The following PDLIM3 variants were observed in gnomAD, a reference collection of about 807,000 sequenced individuals.
PDLIM3 encodes the protein PDZ and LIM domain protein 3.
A neutral mutation model predicts 37.3 loss-of-function variants in PDLIM3; 36 were observed. That is an observed-to-expected ratio of 0.97 (90% CI 0.74 to 1.28). The LOEUF (loss-of-function observed/expected upper bound fraction) is 1.28, where lower values mean the gene tolerates loss of function less well. PDLIM3 is among the 50% of genes most tolerant of loss of function. The pLI, the probability that PDLIM3 is intolerant of heterozygous loss-of-function variation, is 0.00. For missense variants in PDLIM3, 454 were observed against 485.0 expected, an observed-to-expected ratio of 0.94 and a Z score of 0.60; for synonymous variants, 174 against 182.4, an observed-to-expected ratio of 0.95 and a Z score of 0.37.
In PDLIM3 at chr4:185,518,612, A is replaced by C. The variant is rs551725059; in HGVS notation, c.331-4275T>G. Among the ~76,000 whole-genome samples the C allele has an allele frequency of 5.9e-5, 9 of 152,252 alleles. No homozygotes were observed. In the South Asian group the frequency reaches 1.9e-3, roughly 32 times the overall value. ...TATTTCATCACGTTTGAAGTTTAGA[A>C]TCACTTCCTCCTCATACTCACCCCT... On this transcript the variant is annotated intron_variant, in intron 3 of 7. Transcript: ENST00000284767.
chr4:185,531,888 A>G (rs2095744990), intron 1 of PDLIM3, among the ~76,000 whole-genome samples: 1 of 147,808 alleles, frequency 6.8e-6, no homozygotes. Context: ...CAGGAGTTTG[A>G]GAGTAGCCTG....
chr4:185,516,303 A>G (rs2095714806), intron 3 of PDLIM3: 1 of 152,256 alleles, frequency 6.6e-6, no homozygotes, highest in South Asian at 2.1e-4. Context: ...ATGTGGCACC[A>G]GTGTTCCAGA....
At chr4:185,520,047 C>T (rs920504546) in intron 3 of PDLIM3, among the ~76,000 whole-genome samples, 2 of 152,338 alleles carry the variant, frequency 1.3e-5, no homozygotes, top group South Asian at 2.1e-4. Context: ...ACAAAAAACC[C>T]TATAACCATA....
intron 4 of PDLIM3, chr4:185,513,031 C>A: frequency 2.0e-6 from 2 of 985,400 alleles, no homozygotes; most frequent in Non-Finnish European, 2.4e-6. Context: ...TTCCTTTATC[C>A]AGTGAGCATT....
At chr4:185,505,846 G>A (rs2095695939) in intron 6 of PDLIM3, among the ~76,000 whole-genome samples, 1 of 152,140 alleles carries the variant, frequency 6.6e-6, no homozygotes, top group African/African-American at 2.4e-5. Flanking sequence ...CTCCATGTCT[G>A]CCACAATAGC....
At chr4:185,507,267 C>T (rs1394345823) in intron 5 of PDLIM3, among the ~76,000 whole-genome samples, 2 of 152,164 alleles carry the variant, frequency 1.3e-5, no homozygotes, top group Admixed American at 1.3e-4. Flanking sequence ...TCTGCTATAA[C>T]TGACTGCACT....
chr4:185,507,682 GAACA>G (rs2095699914), intron 5 of PDLIM3, among the ~76,000 whole-genome samples: 2 of 152,086 alleles, frequency 1.3e-5, no homozygotes, highest in Middle Eastern at 6.8e-3. Context: ...AAAGTACTGT[GAACA>G]AATAGTTATA....
rs1561195777 is a variant in PDLIM3 at position 185,514,334 on chromosome 4, CG to C, written c.333del (p.Asp111GlufsTer17). On this transcript the variant is annotated frameshift_variant and splice_region_variant, in exon 4 of 8. Coordinates refer to ENST00000284767, the MANE Select transcript of PDLIM3 (RefSeq NM_014476.6). LOFTEE classifies it high-confidence loss of function. This position sits in a 1 kb window ranked among gnomAD's most constrained non-coding sequence, Gnocchi z 4.0. ...FKINLESEPQ[D>X]GNYFEHKHNI... ...TTATGCTTGTGTTCAAAGTAGTTCC[CG>C]TCCTGTGAAAACAAAGCGTTAAAAA... 1 of 1,614,156 alleles carries C rather than the reference CG, an allele frequency of 6.2e-7. No homozygotes were observed. Among genetic ancestry groups the C allele is most frequent in the Non-Finnish European group, 8.5e-7 (1 of 1,180,036 alleles).
At position 185,522,546 on chromosome 4, in the gene PDLIM3, G is replaced by A. The variant is rs2095724549; in HGVS notation, c.330+816C>T. Among the ~76,000 whole-genome samples the A allele has an allele frequency of 4.5e-5, 3 of 66,506 alleles. 1 individual carries two copies. The Admixed American group carries it at 5.1e-4, about 11-fold the overall frequency. The allele number at this position is 66,506 out of a possible 152,430, so 43.6% of individuals were successfully genotyped here. On this transcript the variant is annotated intron_variant, in intron 3 of 7. Coordinates refer to ENST00000284767, the MANE Select transcript of PDLIM3 (RefSeq NM_014476.6). Reference sequence around the variant, plus strand: ...TCAGTTCCCTTTCATCAGTTATATAGAACAACTACATGCTGGGAATATCTA... The same window carrying A: ...TCAGTTCCCTTTCATCAGTTATATAAAACAACTACATGCTGGGAATATCTA...
chr4:185,513,858 C>T, intron 4 of PDLIM3: 1 of 1,126,582 alleles, frequency 8.9e-7, no homozygotes, highest in South Asian at 2.3e-5. Context: ...AGAGCTTGCT[C>T]CTTATCATTC....
chr4:185,514,698 CTTA>C lies in PDLIM3; in HGVS notation c.331-364_331-362del. 6.4e-7 allele frequency: 1 copy of C among 1,551,348 alleles called. No individual in the cohort carries two copies. The highest frequency in any genetic ancestry group is 8.7e-7 in the Non-Finnish European group (1 of 1,146,704). On this transcript the variant is annotated intron_variant, in intron 3 of 7. Coordinates refer to ENST00000284767, the MANE Select transcript of PDLIM3 (RefSeq NM_014476.6). The surrounding 1 kb of genome is among the most constrained non-coding windows in gnomAD (Gnocchi z 4.0). Reference sequence around the variant, plus strand: ...ACTGTGGCCAGAACAGAGCCGGATACTTACTTTTGAGGTGAGCTAGGAATGAGA... The same window carrying C: ...ACTGTGGCCAGAACAGAGCCGGATACCTTTTGAGGTGAGCTAGGAATGAGA...
chr4:185,516,678 A>G (rs10012976), intron 3 of PDLIM3: 1 of 152,236 alleles, frequency 6.6e-6, no homozygotes, highest in African/African-American at 2.4e-5. Flanking sequence ...ACTTAAAAAA[A>G]CAAAAATTAT....
At position 185,501,497 on chromosome 4, in the gene PDLIM3, T is replaced by G. The variant is rs2095687019; in HGVS notation, c.*797A>C. 6.6e-6 allele frequency: 1 copy of G among 152,254 alleles called. No homozygotes were observed. The highest frequency in any genetic ancestry group is 2.1e-4 in the South Asian group (1 of 4,830). 9.4% of individuals were successfully genotyped at this position (152,254 alleles called of 1,614,324 possible). On this transcript the variant is annotated 3_prime_UTR_variant, in exon 8 of 8. Transcript: ENST00000284767. ...CTGAATATTGATCTGAAAGAGATAT[T>G]TAAATTGAAAGAGTCTCTGTTGAAG... is the stretch of plus-strand genomic sequence containing the variant.
Position 185,514,308 on chromosome 4 carries a change from A to G in PDLIM3, c.360T>C (p.Asn120=), listed in dbSNP as rs780842126. The G allele has an allele frequency of 1.2e-6, 2 of 1,614,246 alleles. No homozygotes were observed. Among genetic ancestry groups the G allele is most frequent in the Non-Finnish European group, 1.7e-6 (2 of 1,180,038 alleles). Reference sequence around the variant, plus strand: ...GGATCACGAAAGGTTTGGGCCGAATATTATGCTTGTGTTCAAAGTAGTTCC... The same window carrying G: ...GGATCACGAAAGGTTTGGGCCGAATGTTATGCTTGTGTTCAAAGTAGTTCC... ...QDGNYFEHKH[N]IRPKPFVIPG... The change falls in exon 4 of 8, where the codon AAT becomes AAC. Residue 120 remains asparagine, a synonymous_variant. Transcript: ENST00000284767. This position sits in a 1 kb window ranked among gnomAD's most constrained non-coding sequence, Gnocchi z 4.0.
intron 3 of PDLIM3, 84 bp downstream of exon 3, chr4:185,523,278 C>G: frequency 1.1e-6 from 1 of 907,466 alleles, no homozygotes; most frequent in South Asian, 1.4e-5. Flanking sequence ...TCCAATTTTT[C>G]TATTTGTCTC....
At position 185,501,376 on chromosome 4, in the gene PDLIM3, T is replaced by A. The variant is rs1479857495; in HGVS notation, c.*918A>T. On this transcript the variant is annotated 3_prime_UTR_variant, in exon 8 of 8. Transcript: ENST00000284767. ...GCCTTCCTTAGGAAGTCGTCTAAATTGTTTCTTCCTGGAGATGCCATCTTG... is the reference window on the plus strand; with the variant it reads ...GCCTTCCTTAGGAAGTCGTCTAAATAGTTTCTTCCTGGAGATGCCATCTTG... The A allele has an allele frequency of 1.3e-5, 2 of 152,286 alleles. No homozygotes were observed. Among genetic ancestry groups the A allele is most frequent in the East Asian group, 3.9e-4 (2 of 5,194 alleles). 9.4% of individuals were successfully genotyped at this position (152,286 alleles called of 1,614,324 possible). A position where few individuals can be genotyped will look rare whatever the true frequency, so the allele number is the denominator to read the frequency against.
chr4:185,517,376 T>A (rs1054144672), intron 3 of PDLIM3: 2 of 138,450 alleles, frequency 1.4e-5, no homozygotes, highest in African/African-American at 6.3e-5. Flanking sequence ...TTTTTTTTTT[T>A]AAAGAAAGTA....
At position 185,525,131 on chromosome 4, in the gene PDLIM3, G is replaced by A. The variant is rs758509064; in HGVS notation, c.134C>T (p.Pro45Leu). 6.2e-7 allele frequency: 1 copy of A among 1,614,192 alleles called. No homozygotes were observed. The highest frequency in any genetic ancestry group is 8.5e-7 in the Non-Finnish European group (1 of 1,180,002). ...GSKAAAANLC[P>L]GDVILAIDGF... ...GTCAATAGCCAGGATGACATCTCCA[G>A]GACACAGGTTGGCAGCTGCCGCCTT... The change falls in exon 2 of 8, where the codon CCT becomes CTT. Residue 45 changes from proline (P) to leucine (L), a missense_variant. Pro to Leu is a moderately conservative substitution (Grantham distance 98). Coordinates refer to ENST00000284767, the MANE Select transcript of PDLIM3 (RefSeq NM_014476.6).
intron 3 of PDLIM3, among the ~76,000 whole-genome samples, chr4:185,520,550 A>T (rs2095722430): frequency 3.8e-5 from 1 of 26,086 alleles, no homozygotes; most frequent in African/African-American, 4.5e-5. Context: ...AAGAGGTCAG[A>T]GTATTTAAAA....
Sources: allele counts gnomAD v4.1 joint callset (sites outside exome capture counted in the v4.1 genomes callset), GRCh38; gene constraint gnomAD v4.1.1; non-coding constraint Gnocchi (gnomAD v3.1); transcripts MANE v1.5; gene names NCBI Gene and HGNC (gene_info 2026-07-23, HGNC 2026-07-21).